Variants in FADS2 observed in about 807,000 individuals in gnomAD.
The protein encoded by FADS2 is fatty acid desaturase 2.
In FADS2, 18 loss-of-function variants were observed where a neutral mutation model predicts 61.2. The observed-to-expected ratio is 0.29, with a 90% confidence interval of 0.20 to 0.44. The LOEUF is 0.44. Among genes scored for constraint, FADS2 ranks in the 20% least tolerant of loss-of-function variants. The pLI is 1.00. For synonymous variants in FADS2, 203 were observed against 223.9 expected (o/e 0.91, Z 0.83); for missense variants, 322 against 572.7 (o/e 0.56, Z 4.47).
intron 5 of FADS2, chr11:61,848,925 AGTCTTGCTCT>A (rs1407763455): frequency 6.6e-6 from 1 of 152,422 alleles, no homozygotes; most frequent in African/African-American, 2.4e-5. Flanking sequence ...TCTGAGACGG[AGTCTTGCTCT>A]GTTGCCCAGA....
At chr11:61,862,180 G>A (rs1481769800) in intron 7 of FADS2, 2 of 113,654 alleles carry the variant, frequency 1.8e-5, no homozygotes, top group Admixed American at 1.1e-4. Context: ...AGGCTCCGTG[G>A]GTGACTGGGT....
Position 61,816,573 on chromosome 11 carries a change from G to T in FADS2, c.141+147G>T, listed in dbSNP as rs1342805968. ...CGCTCACCGTGGCATCCTGCCCGGC[G>T]TAGTGGCTGATGACCCGGGAGCCCC... On this transcript the variant is annotated intron_variant, in intron 1 of 11. Transcript: ENST00000257261. This position sits in a 1 kb window ranked among gnomAD's most constrained non-coding sequence, Gnocchi z 7.0. 1 of 1,608,126 alleles carries T rather than the reference G, an allele frequency of 6.2e-7. No homozygotes were observed. The highest frequency in any genetic ancestry group is 2.2e-5 in the East Asian group (1 of 44,638).
Position 61,867,349 on chromosome 11 carries a change from T to G in FADS2, c.*1660T>G, listed in dbSNP as rs554257032. 2.0e-5 allele frequency: 3 copies of G among 152,268 alleles called. No individual in the cohort carries two copies. In the East Asian group the frequency reaches 5.7e-4, roughly 29 times the overall value. 9.4% of individuals were successfully genotyped at this position (152,268 alleles called of 1,614,324 possible). A position where few individuals can be genotyped will look rare whatever the true frequency, so the allele number is the denominator to read the frequency against. On this transcript the variant is annotated 3_prime_UTR_variant, in exon 12 of 12. Coordinates refer to ENST00000278840, the MANE Select transcript of FADS2 (RefSeq NM_004265.4). ...TTTTGAAATAAAATAAGGAATTTTA[T>G]TCTCACTTCCTGTGTTTCCTGCACG...
chr11:61,840,250 G>T, intron 2 of FADS2, 84 bp from the exon 3 acceptor site: 1 of 1,154,936 alleles, frequency 8.7e-7, no homozygotes, highest in East Asian at 2.3e-5. Flanking sequence ...GTTGTGCATT[G>T]GCTGTTGAAA....
chr11:61,852,951 G>A (rs1436719364), intron 5 of FADS2, among the ~76,000 whole-genome samples: 1 of 152,088 alleles, frequency 6.6e-6, no homozygotes, highest in African/African-American at 2.4e-5. Context: ...TCAGGAGATC[G>A]AGACCATCTT....
chr11:61,863,455 A>G, intron 9 of FADS2, 77 bp downstream of exon 9: 2 of 1,179,072 alleles, frequency 1.7e-6, no homozygotes, highest in South Asian at 2.5e-5. Context: ...GCACCTGCTA[A>G]CACAGGGCTG....
rs1338595292 is a variant in FADS2, at chr11:61,816,837, G to A, written c.141+411G>A. The A allele has an allele frequency of 4.7e-6, 7 of 1,490,066 alleles. No individual in the cohort carries two copies. Among genetic ancestry groups the A allele is most frequent in the Non-Finnish European group, 5.3e-6 (6 of 1,130,004 alleles). 92.3% of individuals were successfully genotyped at this position (1,490,066 alleles called of 1,614,324 possible). A position where few individuals can be genotyped will look rare whatever the true frequency, so the allele number is the denominator to read the frequency against. On this transcript the variant is annotated intron_variant, in intron 1 of 11. Transcript: ENST00000257261. The surrounding 1 kb of genome is among the most constrained non-coding windows in gnomAD (Gnocchi z 7.0). ...TCGGGGTCCGCGGGCTCCAGGAGTG[G>A]ATTTGCTGGCGCGCGCCCAGAGCCA...
chr11:61,816,813 C>T lies in FADS2; in HGVS notation c.141+387C>T, dbSNP rs1445291923. Reference sequence around the variant, plus strand: ...CAGCAGGGGCTGTCAGGCGCGTGCTCGGGGTCCGCGGGCTCCAGGAGTGGA... The same window carrying T: ...CAGCAGGGGCTGTCAGGCGCGTGCTTGGGGTCCGCGGGCTCCAGGAGTGGA... On this transcript the variant is annotated intron_variant, in intron 1 of 11. Coordinates refer to the FADS2 transcript ENST00000257261. The surrounding 1 kb of genome is among the most constrained non-coding windows in gnomAD (Gnocchi z 7.0). The T allele has an allele frequency of 8.7e-6, 13 of 1,492,246 alleles. No homozygotes were observed. Among genetic ancestry groups the T allele is most frequent in the Admixed American group, 2.4e-5 (1 of 41,438 alleles). The allele number at this position is 1,492,246 out of a possible 1,614,324, so 92.4% of individuals were successfully genotyped here. A position where few individuals can be genotyped will look rare whatever the true frequency, so the allele number is the denominator to read the frequency against.
At chr11:61,833,130 T>C (rs1267427390) in intron 1 of FADS2, among the ~76,000 whole-genome samples, 1 of 152,174 alleles carries the variant, frequency 6.6e-6, no homozygotes, top group African/African-American at 2.4e-5. Flanking sequence ...CAGGGTGTTC[T>C]GACCTCCCCA....
Position 61,816,380 on chromosome 11 carries a change from C to T in FADS2, c.95C>T (p.Pro32Leu). 1 of 1,598,502 alleles carries T rather than the reference C, an allele frequency of 6.3e-7. No individual in the cohort carries two copies. Among genetic ancestry groups the T allele is most frequent in the South Asian group, 1.1e-5 (1 of 91,090 alleles). The change falls in exon 1 of 12, where the codon CCG becomes CTG. Residue 32 changes from proline to leucine, a missense_variant. Physicochemically the swap from Pro to Leu is moderately conservative, Grantham distance 98. Coordinates refer to the FADS2 transcript ENST00000257261. The surrounding 1 kb of genome is among the most constrained non-coding windows in gnomAD (Gnocchi z 7.0). The stretch of plus-strand genomic sequence containing the variant: ...ACTCCACTTCTCCAGGCCTCTCTCC[C>T]GCCTTTTCATCCCGCATCCGCAGGA...
At chr11:61,828,296 G>A (rs375850052), upstream of FADS2, 1 of 1,503,554 alleles carries the variant, frequency 6.7e-7, no homozygotes, top group Admixed American at 2.1e-5. This position sits in a 1 kb window ranked among gnomAD's most constrained non-coding sequence, Gnocchi z 6.4. Flanking sequence ...AAGAGGGCCC[G>A]GGCTGCACAC....
chr11:61,863,987 C>G, intron 10 of FADS2: 1 of 557,336 alleles, frequency 1.8e-6, no homozygotes, highest in Non-Finnish European at 3.2e-6. Flanking sequence ...GAGGGTCATC[C>G]TGTGCCCCTC....
At position 61,861,429 on chromosome 11, in the gene FADS2, T is replaced by TCATGATCA. The variant is rs2135979614; in HGVS notation, c.883-1540_883-1533dup. Among the ~76,000 whole-genome samples the TCATGATCA allele has an allele frequency of 2.1e-5, 3 of 140,684 alleles. No homozygotes were observed. In the South Asian group the frequency reaches 6.8e-4, roughly 32 times the overall value. The allele number at this position is 140,684 out of a possible 152,430, so 92.3% of individuals were successfully genotyped here. ...AGTATGGCTTGAGCCTGGGACAGAG[T>TCATGATCA]CATGATCACACCATTGCACTCCAGC... On this transcript the variant is annotated intron_variant, in intron 7 of 11. Transcript: ENST00000278840.
At chr11:61,824,485 A>G (rs1565325365), upstream of FADS2, among the ~76,000 whole-genome samples, 17 of 9,344 alleles carry the variant, frequency 1.8e-3, no homozygotes, top group East Asian at 0.091. Flanking sequence ...AGAGAGAGAG[A>G]GAGAGAAAGA....
chr11:61,853,578 ATCC>A (rs1344953671), intron 5 of FADS2, among the ~76,000 whole-genome samples: 2 of 151,900 alleles, frequency 1.3e-5, no homozygotes, highest in African/African-American at 2.4e-5. Flanking sequence ...GGTGCCTGAG[ATCC>A]TCCTCCTCCT....
intron 7 of FADS2, among the ~76,000 whole-genome samples, chr11:61,861,371 A>AAAAAAACAAAAAAC (rs1555078396): frequency 9.4e-6 from 1 of 106,458 alleles, no homozygotes; most frequent in Non-Finnish European, 2.2e-5. Flanking sequence ...AAAAAAAAAA[A>AAAAAAACAAAAAAC]CAGAAATTAG....
At chr11:61,841,288 G>A (rs2067215039) in intron 4 of FADS2, among the ~76,000 whole-genome samples, 1 of 152,162 alleles carries the variant, frequency 6.6e-6, no homozygotes, top group East Asian at 1.9e-4. Context: ...CTGACCTTGT[G>A]ATCTACCTGC....
intron 7 of FADS2, 142 bp from the exon 8 acceptor site, chr11:61,862,830 G>C: frequency 5.9e-6 from 4 of 679,696 alleles, no homozygotes; most frequent in Non-Finnish European, 8.0e-6. Context: ...AGCAGGTGGC[G>C]TGTAGTTGCC....
chr11:61,834,959 A>T (rs1213875883), intron 1 of FADS2, among the ~76,000 whole-genome samples: 2 of 138,362 alleles, frequency 1.4e-5, no homozygotes, highest in African/African-American at 2.8e-5. Flanking sequence ...CCCTGCCCGC[A>T]CCCTGGGCCT....
Sources: allele counts gnomAD v4.1 joint callset (sites outside exome capture counted in the v4.1 genomes callset), GRCh38; gene constraint gnomAD v4.1.1; non-coding constraint Gnocchi (gnomAD v3.1); transcripts MANE v1.5; gene names NCBI Gene and HGNC (gene_info 2026-07-23, HGNC 2026-07-21).